The following UTP20 variants were observed in gnomAD, a reference collection of about 807,000 sequenced individuals.
UTP20 encodes the protein UTP20 small subunit processome component.
UTP20 carries 164 observed loss-of-function variants against 329.5 expected under a neutral mutation model. The observed-to-expected ratio is 0.50, with a 90% CI of 0.44 to 0.57. UTP20 has a LOEUF of 0.57. Ranked by LOEUF, UTP20 falls within the 20% of genes least tolerant of loss-of-function variation. The pLI, the probability that UTP20 is intolerant of heterozygous loss-of-function variation, is 0.00. For synonymous variants in UTP20, 1,151 were observed against 1,159.3 expected (o/e 0.99, Z 0.14); for missense variants, 3,055 against 3,284.2 (o/e 0.93, Z 1.71).
At chr12:101,290,094 T>C in intron 6 of UTP20, 43 bp from the exon 7 acceptor site, 1 of 1,411,784 alleles carries the variant, frequency 7.1e-7, no homozygotes. Flanking sequence ...TGGATATGTT[T>C]ATGTTTGTGA....
intron 43 of UTP20, among the ~76,000 whole-genome samples, chr12:101,358,448 A>G (rs182981850): frequency 6.4e-4 from 98 of 152,306 alleles, no homozygotes; most frequent in Non-Finnish European, 9.1e-4. Context: ...CTACCTAGAT[A>G]TTTACTATTT....
chr12:101,383,328 C>A lies in UTP20; in HGVS notation c.7929+15C>A, dbSNP rs1957912693. The A allele has an allele frequency of 6.2e-7, 1 of 1,606,232 alleles. No homozygotes were observed. The highest frequency in any genetic ancestry group is 1.3e-5 in the African/African-American group (1 of 74,722). On this transcript the variant is annotated intron_variant, in intron 59 of 61. Coordinates refer to ENST00000261637, the MANE Select transcript of UTP20 (RefSeq NM_014503.3). ...ACCCCTTAAAGGTGCGATGAATGCA[C>A]AGAATGACTGACAGTAGTCATTTCT...
chr12:101,308,469 A>ACTGGGGATTTCCCTT, intron 18 of UTP20, 126 bp downstream of exon 18: 2 of 567,558 alleles, frequency 3.5e-6, no homozygotes, highest in Non-Finnish European at 4.6e-6. Context: ...TAATAAGGGA[A>ACTGGGGATTTCCCTT]ATCCCCAGTT....
At position 101,386,100 on chromosome 12, in the gene UTP20, A is replaced by C. The variant is rs1398704705; in HGVS notation, c.8335A>C (p.Lys2779Gln). The C allele has an allele frequency of 1.2e-6, 2 of 1,606,876 alleles. No homozygotes were observed. Among genetic ancestry groups the C allele is most frequent in the East Asian group, 2.2e-5 (1 of 44,842 alleles). Residue 2779 changes from lysine to glutamine, a missense_variant, in exon 62 of 62, where the codon AAA becomes CAA. By Grantham distance (53) the Lys-to-Gln change is moderately conservative (BLOSUM62 1). Around this residue, in one of 3 missense-constraint regions of UTP20, gnomAD observed 337 missense variants for 345.5 expected, o/e 0.98. Transcript: ENST00000261637. The part of the protein sequence containing the change: ...KAKRQKSHSL[K>Q]DLAMVE ...CAAGAGACAAAAAAGCCATAGCCTGAAAGATTTAGCAATGGTGGAGTAATG... is the reference window on the plus strand; with the variant it reads ...CAAGAGACAAAAAAGCCATAGCCTGCAAGATTTAGCAATGGTGGAGTAATG...
intron 41 of UTP20, among the ~76,000 whole-genome samples, chr12:101,355,715 G>T (rs2120980701): frequency 6.6e-6 from 1 of 152,000 alleles, no homozygotes; most frequent in Non-Finnish European, 1.5e-5. Context: ...ATACTATATG[G>T]CCTTGTTCAG....
chr12:101,316,199 G>A (rs906094238), intron 21 of UTP20, among the ~76,000 whole-genome samples: 1 of 152,060 alleles, frequency 6.6e-6, no homozygotes, highest in Admixed American at 6.5e-5. Flanking sequence ...TCTCTGAGAC[G>A]AACCAAACCA....
intron 32 of UTP20, among the ~76,000 whole-genome samples, chr12:101,341,133 G>A (rs1036905415): frequency 1.3e-5 from 2 of 151,682 alleles, no homozygotes; most frequent in Non-Finnish European, 2.9e-5. Flanking sequence ...CTGCCACCAC[G>A]CCCAGCTAGT....
chr12:101,374,806 A>C lies in UTP20; in HGVS notation c.7132-2A>C. 26 of 949,878 alleles carry C rather than the reference A, an allele frequency of 2.7e-5. No individual in the cohort carries two copies. Among genetic ancestry groups the C allele is most frequent in the Middle Eastern group, 2.1e-4 (1 of 4,724 alleles). The allele number at this position is 949,878 out of a possible 1,614,324, so 58.8% of individuals were successfully genotyped here. On this transcript the variant is annotated splice_acceptor_variant, in intron 54 of 61. Coordinates refer to ENST00000261637, the MANE Select transcript of UTP20 (RefSeq NM_014503.3). LOFTEE classifies it high-confidence loss of function. ...CATTGTCTTGTGGTTTATTTTTGGTAGCGCTTAAATAGACAACTTGCTGCC... is the reference window on the plus strand; with the variant it reads ...CATTGTCTTGTGGTTTATTTTTGGTCGCGCTTAAATAGACAACTTGCTGCC...
intron 17 of UTP20, 138 bp from the exon 18 acceptor site, chr12:101,308,047 A>G: frequency 1.3e-6 from 1 of 750,814 alleles, no homozygotes; most frequent in African/African-American, 1.8e-5. Context: ...TTACCAAAAA[A>G]AAAAGTGTTA....
At chr12:101,351,708 C>T (rs1869534615) in intron 38 of UTP20, among the ~76,000 whole-genome samples, 1 of 152,022 alleles carries the variant, frequency 6.6e-6, no homozygotes. Context: ...ACCCCCACCA[C>T]CGACAATGTA....
intron 53 of UTP20, 35 bp downstream of exon 53, chr12:101,373,505 TG>T (rs775578241): frequency 7.4e-6 from 12 of 1,614,038 alleles, no homozygotes; most frequent in Non-Finnish European, 2.5e-6. Flanking sequence ...CCGTGACTCC[TG>T]GAAGTCCTCA....
intron 48 of UTP20, among the ~76,000 whole-genome samples, chr12:101,368,780 T>G (rs1010547319): frequency 6.6e-5 from 10 of 152,222 alleles, no homozygotes; most frequent in African/African-American, 2.4e-4. Context: ...GGTACAGATC[T>G]AGGCTATGAA....
chr12:101,331,448 G>A (rs764679333), intron 27 of UTP20, among the ~76,000 whole-genome samples: 1 of 152,220 alleles, frequency 6.6e-6, no homozygotes, highest in Non-Finnish European at 1.5e-5. Context: ...AGAGCAGAAT[G>A]ACTTGTAACT....
At chr12:101,282,106 A>G (rs1007302285) in intron 2 of UTP20, among the ~76,000 whole-genome samples, 22 of 152,306 alleles carry the variant, frequency 1.4e-4, no homozygotes, top group Admixed American at 5.2e-4. Flanking sequence ...ATCCAATCTC[A>G]GTTCGTAATA....
chr12:101,386,212 GTT>G lies in UTP20; in HGVS notation c.*103_*104del, dbSNP rs34431009. ...AGGTTGTCTGGGGTAGGGGGGAGGC[GTT>G]TTTTTTTTTTTTTGAGACAAGGTCT... On this transcript the variant is annotated 3_prime_UTR_variant, in exon 62 of 62. Transcript: ENST00000261637. 0.016 allele frequency: 13,878 copies of G among 879,174 alleles called. No individual in the cohort carries two copies. Among genetic ancestry groups the G allele is most frequent in the East Asian group, 0.021 (695 of 32,564 alleles). 54.5% of individuals were successfully genotyped at this position (879,174 alleles called of 1,614,324 possible).
chr12:101,355,710 A>G (rs1042020729), intron 41 of UTP20, among the ~76,000 whole-genome samples: 2 of 152,206 alleles, frequency 1.3e-5, no homozygotes, highest in African/African-American at 4.8e-5. Flanking sequence ...CAAAAATACT[A>G]TATGGCCTTG....
intron 50 of UTP20, among the ~76,000 whole-genome samples, chr12:101,370,775 T>C (rs961650737): frequency 1.3e-5 from 2 of 152,236 alleles, no homozygotes; most frequent in African/African-American, 4.8e-5. Flanking sequence ...TCCGGGGAAT[T>C]CTGTACAAAT....
At chr12:101,300,721 TGTATATAGTGGTC>T (rs1429153315) in intron 14 of UTP20, among the ~76,000 whole-genome samples, 1 of 152,220 alleles carries the variant, frequency 6.6e-6, no homozygotes, top group African/African-American at 2.4e-5. Flanking sequence ...AAAAATCACG[TGTATATAGTGGTC>T]ATTCATTCAC....
intron 12 of UTP20, among the ~76,000 whole-genome samples, chr12:101,298,267 C>T (rs1872422485): frequency 6.6e-6 from 1 of 152,026 alleles, no homozygotes; most frequent in Non-Finnish European, 1.5e-5. Flanking sequence ...GAGATGATTT[C>T]AGATCCTGAT....
Sources: allele counts gnomAD v4.1 joint callset (sites outside exome capture counted in the v4.1 genomes callset), GRCh38; gene constraint gnomAD v4.1.1; regional missense constraint gnomAD v4.1.1; transcripts MANE v1.5; gene names NCBI Gene and HGNC (gene_info 2026-07-23, HGNC 2026-07-21).